The following KCNIP4 variants were observed in gnomAD, a reference collection of about 807,000 sequenced individuals.
The protein encoded by KCNIP4 is Kv channel-interacting protein 4.
A neutral mutation model predicts 34.0 loss-of-function variants in KCNIP4; 12 were observed. The observed-to-expected ratio is 0.35, with a 90% confidence interval of 0.23 to 0.57. The LOEUF (loss-of-function observed/expected upper bound fraction) is 0.57. Ranked by LOEUF, KCNIP4 falls within the 20% of genes least tolerant of loss-of-function variation. KCNIP4 has a pLI of 0.83. For synonymous variants in KCNIP4, 124 were observed against 102.2 expected (o/e 1.21, Z -1.29); for missense variants, 238 against 311.7 (o/e 0.76, Z 1.78).
chr4:21,678,116 T>C (rs967462262), intron 1 of KCNIP4, among the ~76,000 whole-genome samples: 2 of 152,112 alleles, frequency 1.3e-5, no homozygotes, highest in Non-Finnish European at 2.9e-5. Context: ...AAGGGTCAGA[T>C]GGTAAGTATT....
At chr4:20,795,353 A>G (rs956204864) in intron 3 of KCNIP4, among the ~76,000 whole-genome samples, 1 of 152,174 alleles carries the variant, frequency 6.6e-6, no homozygotes, top group Non-Finnish European at 1.5e-5. Context: ...CTATAAATGT[A>G]TTAAAATACA....
chr4:21,288,934 A>G (rs1763278828), intron 1 of KCNIP4, among the ~76,000 whole-genome samples: 1 of 152,178 alleles, frequency 6.6e-6, no homozygotes, highest in African/African-American at 2.4e-5. Context: ...ATAGTATTCC[A>G]TATTCACAAC....
rs140630573 is a variant in KCNIP4, at chr4:21,526,499, T to C, written c.61+422072A>G. Among the ~76,000 whole-genome samples the C allele has an allele frequency of 2.6e-5, 4 of 152,250 alleles. No individual in the cohort carries two copies. The East Asian group carries it at 5.8e-4, about 22-fold the overall frequency. ...AATATAGCATTTAATAATATTCTCA[T>C]CTGTATGTAACAAAATTGAAGTTAT... On this transcript the variant is annotated intron_variant, in intron 1 of 8. Coordinates refer to ENST00000382152, the MANE Select transcript of KCNIP4 (RefSeq NM_025221.6).
At chr4:20,771,739 G>A (rs895698921) in intron 3 of KCNIP4, among the ~76,000 whole-genome samples, 3 of 151,782 alleles carry the variant, frequency 2.0e-5, no homozygotes, top group African/African-American at 7.3e-5. Context: ...CTGCGATCTC[G>A]GCTCACTGCA....
chr4:21,357,792 C>T (rs776367047), intron 1 of KCNIP4, among the ~76,000 whole-genome samples: 12 of 152,210 alleles, frequency 7.9e-5, no homozygotes, highest in Non-Finnish European at 1.6e-4. Flanking sequence ...CTAGAAATAC[C>T]ATTTGACCCA....
chr4:21,722,322 C>T (rs538909846), intron 1 of KCNIP4, among the ~76,000 whole-genome samples: 50 of 151,898 alleles, frequency 3.3e-4, no homozygotes, highest in African/African-American at 1.2e-3. Context: ...GCATGTGAGG[C>T]GGGGGAGATA....
At chr4:21,292,055 C>T (rs1033729746) in intron 1 of KCNIP4, among the ~76,000 whole-genome samples, 1 of 152,086 alleles carries the variant, frequency 6.6e-6, no homozygotes, top group South Asian at 2.1e-4. Context: ...TATATAAACA[C>T]CTTTCAGGAA....
In KCNIP4 at chr4:21,482,497, G is replaced by A. The variant is rs185308944; in HGVS notation, c.61+466074C>T. Reference sequence around the variant, plus strand: ...GTGCTTCCTTCAGGAGCTCTTGTAGGGCAGGCCTGGTGGTGACAAACTCTC... The same window carrying A: ...GTGCTTCCTTCAGGAGCTCTTGTAGAGCAGGCCTGGTGGTGACAAACTCTC... On this transcript the variant is annotated intron_variant, in intron 1 of 8. Transcript: ENST00000382152. Among the ~76,000 whole-genome samples, 44 of 152,192 alleles carry A rather than the reference G, an allele frequency of 2.9e-4. No individual in the cohort carries two copies. In the East Asian group the frequency reaches 7.6e-3, roughly 26 times the overall value.
At chr4:20,992,658 A>C (rs1219168574) in intron 1 of KCNIP4, among the ~76,000 whole-genome samples, 1 of 152,090 alleles carries the variant, frequency 6.6e-6, no homozygotes, top group East Asian at 1.9e-4. Context: ...AGAATGGGTG[A>C]AGTCTCAATG....
chr4:21,433,805 C>G (rs1032475433), intron 1 of KCNIP4, among the ~76,000 whole-genome samples: 1 of 152,176 alleles, frequency 6.6e-6, no homozygotes, highest in African/African-American at 2.4e-5. Context: ...GTCACACTTT[C>G]CCGATATTCT....
At chr4:21,528,556 A>G (rs562033254) in intron 1 of KCNIP4, among the ~76,000 whole-genome samples, 3 of 151,592 alleles carry the variant, frequency 2.0e-5, no homozygotes, top group Non-Finnish European at 2.9e-5. Flanking sequence ...AGTCCCAGCT[A>G]CTCAGGAGGT....
rs550553154 is a variant in KCNIP4 at position 21,345,860 on chromosome 4, AC to A, written c.62-463152del. Among the ~76,000 whole-genome samples, 7 of 151,840 alleles carry A rather than the reference AC, an allele frequency of 4.6e-5. No homozygotes were observed. In the South Asian group the frequency reaches 1.5e-3, roughly 31 times the overall value. ...TCATTAGTTAGAATTAAAGCCCATTACGCTCCTAATAACTCATTGCTAAAAT... is the reference window on the plus strand; with the variant it reads ...TCATTAGTTAGAATTAAAGCCCATTAGCTCCTAATAACTCATTGCTAAAAT... On this transcript the variant is annotated intron_variant, in intron 1 of 8. Transcript: ENST00000382152.
intron 1 of KCNIP4, among the ~76,000 whole-genome samples, chr4:21,486,538 T>A (rs1731927506): frequency 6.6e-6 from 1 of 152,180 alleles, no homozygotes; most frequent in African/African-American, 2.4e-5. Context: ...CATATTTGCA[T>A]TTTGCCTAAT....
At chr4:20,949,154 G>T (rs1416567291) in intron 1 of KCNIP4, among the ~76,000 whole-genome samples, 1 of 152,172 alleles carries the variant, frequency 6.6e-6, no homozygotes, top group Non-Finnish European at 1.5e-5. Context: ...AACAGCGACT[G>T]CTCGCATGAG....
intron 1 of KCNIP4, among the ~76,000 whole-genome samples, chr4:21,822,946 T>C (rs1722452488): frequency 6.6e-6 from 1 of 152,070 alleles, no homozygotes. Flanking sequence ...CTCGAACTCC[T>C]GAGCTCATGA....
At chr4:20,768,275 C>A (rs1037772223) in intron 3 of KCNIP4, among the ~76,000 whole-genome samples, 1 of 152,110 alleles carries the variant, frequency 6.6e-6, no homozygotes. Flanking sequence ...TAATGTCCTT[C>A]AAAACTTGGG....
At chr4:20,918,258 C>T (rs1729039694) in intron 1 of KCNIP4, among the ~76,000 whole-genome samples, 1 of 152,068 alleles carries the variant, frequency 6.6e-6, no homozygotes, top group Admixed American at 6.6e-5. Flanking sequence ...CTCACAACCT[C>T]TCCACTGGGA....
At chr4:21,608,867 T>G (rs1743927624) in intron 1 of KCNIP4, 1 of 152,132 alleles carries the variant, frequency 6.6e-6, no homozygotes, top group African/African-American at 2.4e-5. Context: ...TTAGCATCCT[T>G]GAACAGTCTG....
At chr4:20,883,316 G>A (rs141212885) in intron 1 of KCNIP4, among the ~76,000 whole-genome samples, 116 of 152,222 alleles carry the variant, frequency 7.6e-4, no homozygotes, top group African/African-American at 2.2e-3. Context: ...ACATGTGGAC[G>A]CTAATGAATG....
Sources: allele counts gnomAD v4.1 joint callset (sites outside exome capture counted in the v4.1 genomes callset), GRCh38; gene constraint gnomAD v4.1.1; transcripts MANE v1.5; gene names NCBI Gene and HGNC (gene_info 2026-07-23, HGNC 2026-07-21).